Variants in BLVRB observed in about 807,000 individuals in gnomAD.
BLVRB encodes the protein flavin reductase (NADPH).
A neutral mutation model predicts 21.1 loss-of-function variants in BLVRB; 25 were observed. The observed-to-expected ratio is 1.19, with a 90% CI of 0.86 to 1.66. BLVRB has a LOEUF of 1.66. BLVRB is among the 40% of genes most tolerant of loss of function. The pLI is 0.00. For missense variants in BLVRB, 274 were observed against 282.7 expected, an observed-to-expected ratio of 0.97 and a Z score of 0.22; for synonymous variants, 128 against 122.2, an observed-to-expected ratio of 1.05 and a Z score of -0.31.
chr19:40,464,030 G>A (rs1182497241), intron 1 of BLVRB, among the ~76,000 whole-genome samples: 2 of 151,972 alleles, frequency 1.3e-5, no homozygotes, highest in African/African-American at 2.4e-5. Context: ...GCCTCCCAAA[G>A]TGCTGAGATT....
chr19:40,450,001 C>T (rs2079731769), intron 4 of BLVRB, among the ~76,000 whole-genome samples: 1 of 150,904 alleles, frequency 6.6e-6, no homozygotes, highest in African/African-American at 2.4e-5. Context: ...AGATCGAGAC[C>T]ATCTTGGCCA....
At chr19:40,452,850 G>T (rs550960922) in intron 3 of BLVRB, among the ~76,000 whole-genome samples, 2 of 150,720 alleles carry the variant, frequency 1.3e-5, no homozygotes, top group South Asian at 4.2e-4. Context: ...GGGAGACAGA[G>T]CAAGACTCCA....
intron 1 of BLVRB, among the ~76,000 whole-genome samples, chr19:40,460,247 CAT>C (rs57153004): frequency 0.37 from 44,637 of 121,428 alleles, 9,584 homozygotes; most frequent in Middle Eastern, 0.46. Context: ...GTAATAGCAA[CAT>C]ATATATATAT....
At position 40,458,496 on chromosome 19, in the gene BLVRB, C is replaced by T; in HGVS notation, c.129G>A (p.Glu43=). The T allele has an allele frequency of 6.2e-7, 1 of 1,611,526 alleles. No individual in the cohort carries two copies. Among genetic ancestry groups the T allele is most frequent in the Non-Finnish European group, 8.5e-7 (1 of 1,179,250 alleles). ...LVRDSSRLPS[E]GPRPAHVVVG... is the part of the protein sequence containing the mutation. ...CTACCACGTGGGCCGGCCGGGGCCCCTCTGATGGCAGCCTGGAGGAGTCCC... is the reference window on the plus strand; with the variant it reads ...CTACCACGTGGGCCGGCCGGGGCCCTTCTGATGGCAGCCTGGAGGAGTCCC... Residue 43 remains glutamate (E), a synonymous_variant, in exon 2 of 5, where the codon GAG becomes GAA. Coordinates refer to ENST00000263368, the MANE Select transcript of BLVRB (RefSeq NM_000713.3).
At chr19:40,460,269 T>TATATAC (rs2079781278) in intron 1 of BLVRB, among the ~76,000 whole-genome samples, 1 of 140,692 alleles carries the variant, frequency 7.1e-6, no homozygotes, top group African/African-American at 2.8e-5. Flanking sequence ...TATATATATA[T>TATATAC]ATATATTTAG....
chr19:40,453,976 C>T (rs950857138), intron 3 of BLVRB, among the ~76,000 whole-genome samples: 1 of 152,154 alleles, frequency 6.6e-6, no homozygotes, highest in Non-Finnish European at 1.5e-5. Flanking sequence ...CAGAGCAAGA[C>T]CTTGTCTCAA....
intron 1 of BLVRB, among the ~76,000 whole-genome samples, chr19:40,462,892 CAAAAAAAAA>C (rs56923063): frequency 8.0e-5 from 4 of 49,858 alleles, no homozygotes; most frequent in Admixed American, 3.2e-4. Context: ...ACTCTTGTCT[CAAAAAAAAA>C]AAAAAAAAAA....
At chr19:40,450,601 T>C (rs529165506) in intron 4 of BLVRB, 1 of 151,108 alleles carries the variant, frequency 6.6e-6, no homozygotes, top group East Asian at 2.0e-4. Flanking sequence ...CAGGCTGGAG[T>C]ACAGCAGCCT....
At chr19:40,463,892 C>T (rs2079799166) in intron 1 of BLVRB, among the ~76,000 whole-genome samples, 1 of 151,650 alleles carries the variant, frequency 6.6e-6, no homozygotes, top group South Asian at 2.1e-4. Flanking sequence ...CTCAGTCTGC[C>T]AAGTAACTGC....
intron 1 of BLVRB, 92 bp from the exon 2 acceptor site, chr19:40,458,637 A>C: frequency 7.1e-7 from 1 of 1,398,872 alleles, no homozygotes; most frequent in Non-Finnish European, 9.5e-7. Flanking sequence ...GAACTCTCAA[A>C]TCCATCCCCT....
rs1213587118 is a variant in BLVRB at position 40,465,608 on chromosome 19, G to GC, written c.79+1dup. On this transcript the variant is annotated splice_donor_variant, in intron 1 of 4. Transcript: ENST00000263368. LOFTEE classifies it high-confidence loss of function. ...ACATGCCCCGCCCGCCCCGGCTCAT[G>GC]CCTGCTTGCACCGCCTGCGCCAGGG... 1.9e-6 allele frequency: 3 copies of GC among 1,611,254 alleles called. No individual in the cohort carries two copies. The highest frequency in any genetic ancestry group is 1.7e-6 in the Non-Finnish European group (2 of 1,179,382).
intron 1 of BLVRB, among the ~76,000 whole-genome samples, chr19:40,464,178 T>C (rs1296546947): frequency 6.6e-6 from 1 of 152,112 alleles, no homozygotes; most frequent in African/African-American, 2.4e-5. Flanking sequence ...CTTGAACTCC[T>C]GAGCTCAAGC....
chr19:40,457,119 G>C (rs895478663), intron 3 of BLVRB, among the ~76,000 whole-genome samples: 1 of 149,254 alleles, frequency 6.7e-6, no homozygotes, highest in African/African-American at 2.5e-5. Flanking sequence ...GCTGCAGTGA[G>C]CCATGGTTGC....
intron 1 of BLVRB, among the ~76,000 whole-genome samples, chr19:40,464,230 C>T (rs147301727): frequency 9.2e-5 from 14 of 152,154 alleles, no homozygotes; most frequent in African/African-American, 3.4e-4. Context: ...GGACTACAGG[C>T]ATGCATCACC....
chr19:40,450,842 GTATCTATCTATCTATCTATC>G (rs200198444), intron 4 of BLVRB, among the ~76,000 whole-genome samples: 32 of 144,736 alleles, frequency 2.2e-4, no homozygotes, highest in Non-Finnish European at 3.3e-4. Flanking sequence ...CCTGGCCTAT[GTATCTATCTATCTATCTATC>G]TATCTATCTA....
At chr19:40,456,976 C>G (rs535281379) in intron 3 of BLVRB, among the ~76,000 whole-genome samples, 1 of 151,768 alleles carries the variant, frequency 6.6e-6, no homozygotes, top group Non-Finnish European at 1.5e-5. Context: ...GCAGACCATT[C>G]CAATCTGCGA....
intron 1 of BLVRB, among the ~76,000 whole-genome samples, chr19:40,459,990 A>G (rs965244515): frequency 1.5e-4 from 23 of 152,206 alleles, no homozygotes; most frequent in African/African-American, 5.5e-4. Flanking sequence ...TTGCCTACAG[A>G]CTGACCAGTG....
intron 1 of BLVRB, among the ~76,000 whole-genome samples, chr19:40,460,779 C>A (rs974772913): frequency 6.6e-6 from 1 of 152,112 alleles, no homozygotes. Flanking sequence ...CCAAGACCAG[C>A]CTGACCAACA....
intron 1 of BLVRB, among the ~76,000 whole-genome samples, chr19:40,462,013 C>T (rs2079789600): frequency 6.6e-6 from 1 of 152,242 alleles, no homozygotes; most frequent in Non-Finnish European, 1.5e-5. Flanking sequence ...TTTCTGCCAT[C>T]TCCCTGAACC....
Sources: allele counts gnomAD v4.1 joint callset (sites outside exome capture counted in the v4.1 genomes callset), GRCh38; gene constraint gnomAD v4.1.1; transcripts MANE v1.5; gene names NCBI Gene and HGNC (gene_info 2026-07-23, HGNC 2026-07-21).